The following LARP7 variants were observed in gnomAD, a reference collection of about 807,000 sequenced individuals.
The protein encoded by LARP7 is La ribonucleoprotein 7, transcriptional regulator.
Under a neutral mutation model 69.3 loss-of-function variants are expected in LARP7, and 52 were observed. That is an observed-to-expected ratio of 0.75 (90% CI 0.60 to 0.95). LARP7 has a LOEUF of 0.95. Among genes scored for constraint, LARP7 ranks in the 40% least tolerant of loss-of-function variants. The pLI is 0.00. For missense variants in LARP7, 733 were observed against 673.0 expected (o/e 1.09, Z -0.99); for synonymous variants, 254 against 215.9 (o/e 1.18, Z -1.55).
Position 112,650,511 on chromosome 4 carries a change from C to G in LARP7, c.1345C>G (p.Pro449Ala). 1 of 1,613,606 alleles carries G rather than the reference C, an allele frequency of 6.2e-7. No individual in the cohort carries two copies. The highest frequency in any genetic ancestry group is 8.5e-7 in the Non-Finnish European group (1 of 1,179,716). ...RTQEKVNATG[P>A]QFVSGVIVKI... ...CCAGGAGAAAGTTAATGCAACAGGA[C>G]CACAGTTCGTGAGTGGAGTGATTGT... The change falls in exon 10 of 13, where the codon CCA becomes GCA. Residue 449 changes from proline (P) to alanine (A), a missense_variant. By Grantham distance (27) the Pro-to-Ala change is conservative. Transcript: ENST00000344442.
chr4:112,641,690 T>A (rs545215532), intron 1 of LARP7, among the ~76,000 whole-genome samples: 2 of 152,224 alleles, frequency 1.3e-5, no homozygotes, highest in South Asian at 4.1e-4. Flanking sequence ...TAAGAATGAT[T>A]TTAAGGCTTT....
At position 112,644,887 on chromosome 4, in the gene LARP7, T is replaced by A. The variant is rs778498084; in HGVS notation, c.202+16T>A. 1 of 1,388,818 alleles carries A rather than the reference T, an allele frequency of 7.2e-7. No homozygotes were observed. The highest frequency in any genetic ancestry group is 9.7e-7 in the Non-Finnish European group (1 of 1,027,298). The allele number at this position is 1,388,818 out of a possible 1,614,324, so 86.0% of individuals were successfully genotyped here. The stretch of plus-strand genomic sequence containing the variant: ...AGAGATGGATGTAAGTTTGCTTCAG[T>A]AAAGGAACCAATTTTTAGATATGGT... On this transcript the variant is annotated intron_variant, in intron 2 of 12. Transcript: ENST00000344442.
At chr4:112,644,324 G>T in intron 1 of LARP7, 1 of 318,192 alleles carries the variant, frequency 3.1e-6, no homozygotes, top group Non-Finnish European at 5.6e-6. Flanking sequence ...AGGGGGTGTT[G>T]CGATGGAGAG....
rs368130427 is a variant in LARP7 at position 112,657,302 on chromosome 4, A to T, written c.1724A>T (p.His575Leu). Residue 575 changes from histidine to leucine, a missense_variant, in exon 13 of 13, where the codon CAT (histidine) becomes CTT (leucine). His to Leu is a moderately conservative substitution (Grantham distance 99). Transcript: ENST00000344442. ...RLAKTQQASKHIRFSEYD is the reference protein window; with the variant it reads ...RLAKTQQASKLIRFSEYD Reference sequence around the variant, plus strand: ...GCAAAGACTCAACAAGCGAGTAAACATATAAGATTTTCTGAATATGATTGA... The same window carrying T: ...GCAAAGACTCAACAAGCGAGTAAACTTATAAGATTTTCTGAATATGATTGA... 6.3e-7 allele frequency: 1 copy of T among 1,588,992 alleles called. No homozygotes were observed. The highest frequency in any genetic ancestry group is 1.2e-5 in the South Asian group (1 of 86,350).
chr4:112,654,254 G>A, intron 12 of LARP7, 95 bp downstream of exon 12: 1 of 846,572 alleles, frequency 1.2e-6, no homozygotes, highest in Non-Finnish European at 1.9e-6. Context: ...TCGTAGTTTT[G>A]CTATTACCTA....
intron 1 of LARP7, among the ~76,000 whole-genome samples, chr4:112,638,939 G>A (rs2047839692): frequency 6.6e-6 from 1 of 152,188 alleles, no homozygotes; most frequent in Admixed American, 6.5e-5. Context: ...ATGGACTTCA[G>A]ATTAAGAATT....
At chr4:112,639,037 AACTT>A (rs1439278334) in intron 1 of LARP7, among the ~76,000 whole-genome samples, 1 of 152,140 alleles carries the variant, frequency 6.6e-6, no homozygotes, top group Admixed American at 6.5e-5. Flanking sequence ...TACCTGGGAC[AACTT>A]ACTTAGCTAG....
chr4:112,642,115 G>C (rs557180590), intron 1 of LARP7, among the ~76,000 whole-genome samples: 2 of 152,170 alleles, frequency 1.3e-5, no homozygotes, highest in African/African-American at 4.8e-5. Flanking sequence ...TTTTCAAGGA[G>C]GGAGTTACCA....
At chr4:112,639,271 A>G (rs1448014661) in intron 1 of LARP7, among the ~76,000 whole-genome samples, 5 of 146,022 alleles carry the variant, frequency 3.4e-5, no homozygotes, top group Admixed American at 1.4e-4. Flanking sequence ...GTGCAGTGGC[A>G]CGATCTCGGC....
At chr4:112,639,025 C>G (rs2047845078) in intron 1 of LARP7, among the ~76,000 whole-genome samples, 1 of 152,162 alleles carries the variant, frequency 6.6e-6, no homozygotes, top group South Asian at 2.1e-4. Flanking sequence ...TGGGATCAAA[C>G]ATACCTGGGA....
At chr4:112,653,757 G>A (rs1024774698) in intron 11 of LARP7, among the ~76,000 whole-genome samples, 4 of 152,134 alleles carry the variant, frequency 2.6e-5, no homozygotes, top group Non-Finnish European at 5.9e-5. Flanking sequence ...CCAAAGTGCT[G>A]GGATTACAGA....
Position 112,657,465 on chromosome 4 carries a change from AAG to A in LARP7, c.*140_*141del. 2.4e-6 allele frequency: 1 copy of A among 414,702 alleles called. No individual in the cohort carries two copies. The highest frequency in any genetic ancestry group is 4.3e-6 in the Non-Finnish European group (1 of 232,700). 25.7% of individuals were successfully genotyped at this position (414,702 alleles called of 1,614,324 possible). A position where few individuals can be genotyped will look rare whatever the true frequency, so the allele number is the denominator to read the frequency against. On this transcript the variant is annotated 3_prime_UTR_variant, in exon 13 of 13. Coordinates refer to ENST00000344442, the MANE Select transcript of LARP7 (RefSeq NM_016648.4). ...TATCTTTGTTCCTCAACTTGTAAAT[AAG>A]ACTTTTTTCTAGAGACAAATATGAT...
intron 7 of LARP7, 43 bp from the exon 8 acceptor site, chr4:112,647,647 A>G (rs1176572951): frequency 2.7e-6 from 4 of 1,487,820 alleles, no homozygotes; most frequent in Non-Finnish European, 3.6e-6. Context: ...CACCCATTTC[A>G]CAGCCCCATG....
chr4:112,653,631 A>G (rs1049922054), intron 11 of LARP7, among the ~76,000 whole-genome samples: 1 of 152,128 alleles, frequency 6.6e-6, no homozygotes, highest in Admixed American at 6.5e-5. Flanking sequence ...GATTACAGGC[A>G]TGTGCCACCA....
chr4:112,647,803 G>A lies in LARP7; in HGVS notation c.1111G>A (p.Glu371Lys). The A allele has an allele frequency of 6.3e-7, 1 of 1,587,408 alleles. No homozygotes were observed. Among genetic ancestry groups the A allele is most frequent in the African/African-American group, 1.4e-5 (1 of 73,674 alleles). The stretch of plus-strand genomic sequence containing the variant: ...ACATAAAGAGAGACATAAAATGGGA[G>A]AAGAAGTTATACCATTAAGAGTGCT... Reference protein sequence around the residue: ...KKHKERHKMGEEVIPLRVLSK... With the variant: ...KKHKERHKMGKEVIPLRVLSK... The change falls in exon 8 of 13, where the codon GAA becomes AAA. Residue 371 changes from glutamate to lysine, a missense_variant. Glu to Lys is a moderately conservative substitution (Grantham distance 56). Coordinates refer to ENST00000344442, the MANE Select transcript of LARP7 (RefSeq NM_016648.4).
intron 9 of LARP7, 84 bp downstream of exon 9, chr4:112,649,770 TA>T: frequency 5.4e-6 from 5 of 933,208 alleles, no homozygotes; most frequent in Non-Finnish European, 4.4e-6. Flanking sequence ...AGATAAATTT[TA>T]ATTTTAAAAA....
chr4:112,645,733 G>A (rs2048175833), intron 2 of LARP7: 6 of 396,508 alleles, frequency 1.5e-5, no homozygotes, highest in South Asian at 1.1e-4. Context: ...TGTTGCCCAG[G>A]CTGGTCTTGA....
chr4:112,647,221 G>T lies in LARP7; in HGVS notation c.669G>T (p.Lys223Asn), dbSNP rs771789749. 96 of 1,593,400 alleles carry T rather than the reference G, an allele frequency of 6.0e-5. No individual in the cohort carries two copies. Among genetic ancestry groups the T allele is most frequent in the Non-Finnish European group, 7.8e-5 (92 of 1,174,562 alleles). Residue 223 changes from lysine (K) to asparagine (N), a missense_variant, in exon 7 of 13, where the codon AAG (lysine) becomes AAT (asparagine). Coordinates refer to ENST00000344442, the MANE Select transcript of LARP7 (RefSeq NM_016648.4). ...RVVEEKKKKK[K>N]KKGRMKKEDN... is the part of the protein sequence containing the mutation. ...CAGAAGAGAAGAAAAAGAAAAAGAA[G>T]AAGAAAGGCCGAATGAAAAAGGAAG...
At chr4:112,652,417 G>A (rs1473435443) in intron 10 of LARP7, among the ~76,000 whole-genome samples, 2 of 148,706 alleles carry the variant, frequency 1.3e-5, no homozygotes, top group Non-Finnish European at 3.0e-5. Flanking sequence ...AACCTGCTGT[G>A]AAAAAAAAAG....
Sources: allele counts gnomAD v4.1 joint callset (sites outside exome capture counted in the v4.1 genomes callset), GRCh38; gene constraint gnomAD v4.1.1; transcripts MANE v1.5; gene names NCBI Gene and HGNC (gene_info 2026-07-23, HGNC 2026-07-21).